The following DHX34 variants were observed in gnomAD, a reference collection of about 807,000 sequenced individuals.
DHX34 encodes the protein probable ATP-dependent RNA helicase DHX34.
Under a neutral mutation model 111.1 loss-of-function variants are expected in DHX34, and 96 were observed. That is an observed-to-expected ratio of 0.86 (90% confidence interval 0.73 to 1.02). The LOEUF (loss-of-function observed/expected upper bound fraction) is 1.02. Among genes scored for constraint, DHX34 ranks in the 50% least tolerant of loss-of-function variants. DHX34 has a pLI of 0.00. For missense variants in DHX34, 1,560 were observed against 1,579.9 expected (o/e 0.99, Z 0.21); for synonymous variants, 688 against 670.4 (o/e 1.03, Z -0.41).
intron 12 of DHX34, chr19:47,376,891 G>C: frequency 1.3e-6 from 2 of 1,534,174 alleles, no homozygotes; most frequent in Non-Finnish European, 1.7e-6. Context: ...GCACCCGTGT[G>C]CATGGAAGGG....
At chr19:47,362,869 C>CA (rs1159153012) in intron 6 of DHX34, among the ~76,000 whole-genome samples, 176 bp downstream of exon 6, 1 of 152,074 alleles carries the variant, frequency 6.6e-6, no homozygotes, top group African/African-American at 2.4e-5. Context: ...ATTACAGGCT[C>CA]AAATGATCCT....
At chr19:47,356,555 G>A (rs559178238) in intron 3 of DHX34, among the ~76,000 whole-genome samples, 4 of 151,866 alleles carry the variant, frequency 2.6e-5, no homozygotes, top group African/African-American at 2.4e-5. Context: ...GCTTGAACCC[G>A]GAGGTCGAGG....
Position 47,353,156 on chromosome 19 carries a change from C to T in DHX34, c.126C>T (p.Ala42=). 6.2e-7 allele frequency: 1 copy of T among 1,614,142 alleles called. No individual in the cohort carries two copies. The highest frequency in any genetic ancestry group is 8.5e-7 in the Non-Finnish European group (1 of 1,180,020). The part of the protein sequence containing the change: ...CPETRRLLED[A]FFREEDYIRQ... The stretch of plus-strand genomic sequence containing the variant: ...AGACGCGTCGCCTCTTGGAAGATGC[C>T]TTCTTCCGTGAAGAGGATTACATCC... Residue 42 remains alanine, a synonymous_variant, in exon 2 of 17, where the codon GCC becomes GCT. Transcript: ENST00000328771. The surrounding 1 kb of genome is among the most constrained non-coding windows in gnomAD (Gnocchi z 4.6).
chr19:47,362,440 A>G (rs373031819), intron 5 of DHX34, 36 bp from the exon 6 acceptor site: 1 of 1,495,784 alleles, frequency 6.7e-7, no homozygotes, highest in African/African-American at 1.4e-5. Context: ...CGTGGCTGCC[A>G]CACACAGACT....
At chr19:47,368,046 C>A (rs1274301746) in intron 7 of DHX34, among the ~76,000 whole-genome samples, 1 of 151,612 alleles carries the variant, frequency 6.6e-6, no homozygotes, top group South Asian at 2.1e-4. Flanking sequence ...TACCATACGA[C>A]GTCTTGGAAA....
rs1599755654 is a variant in DHX34 at position 47,357,726 on chromosome 19, G to T, written c.1018-140G>T. ...TCCCTGAATGACCACATGGAACAGA[G>T]TTGCCCACCAGCCTGGACCCGTTGC... is the stretch of plus-strand genomic sequence containing the variant. On this transcript the variant is annotated intron_variant, in intron 3 of 16. Coordinates refer to ENST00000328771, the MANE Select transcript of DHX34 (RefSeq NM_014681.6). 4.2e-6 allele frequency: 6 copies of T among 1,437,664 alleles called. No individual in the cohort carries two copies. The East Asian group carries it at 1.5e-4, about 36-fold the overall frequency. The allele number at this position is 1,437,664 out of a possible 1,614,324, so 89.1% of individuals were successfully genotyped here. A position where few individuals can be genotyped will look rare whatever the true frequency, so the allele number is the denominator to read the frequency against.
At chr19:47,372,618 T>G (rs1484518645) in intron 7 of DHX34, 112 bp from the exon 8 acceptor site, 2 of 1,425,156 alleles carry the variant, frequency 1.4e-6, no homozygotes, top group African/African-American at 1.5e-5. Context: ...GTGGGCAAGA[T>G]GGAGGGGGTG....
intron 9 of DHX34, among the ~76,000 whole-genome samples, chr19:47,374,120 C>G (rs943084169): frequency 2.0e-5 from 3 of 152,092 alleles, no homozygotes; most frequent in Non-Finnish European, 4.4e-5. Flanking sequence ...CCTCAGCTTC[C>G]CCTCGATAAA....
At chr19:47,369,079 T>G (rs949285232) in intron 7 of DHX34, among the ~76,000 whole-genome samples, 14 of 152,190 alleles carry the variant, frequency 9.2e-5, no homozygotes, top group African/African-American at 1.2e-4. Context: ...GGTTTCATCA[T>G]GTTGGCCAGG....
At chr19:47,381,153 G>A (rs556358563) in intron 15 of DHX34, 33 bp from the exon 16 acceptor site, 30 of 1,608,752 alleles carry the variant, frequency 1.9e-5, no homozygotes, top group African/African-American at 5.3e-5. Context: ...GGCACTTGGC[G>A]GGGGCCCAGC....
intron 1 of DHX34, among the ~76,000 whole-genome samples, chr19:47,349,834 G>A (rs1196302507): frequency 6.6e-6 from 1 of 152,202 alleles, no homozygotes; most frequent in African/African-American, 2.4e-5. Context: ...GGGAGACCGA[G>A]AGATACGGAA....
At chr19:47,367,571 A>T (rs896267420) in intron 7 of DHX34, among the ~76,000 whole-genome samples, 1 of 152,124 alleles carries the variant, frequency 6.6e-6, no homozygotes, top group Non-Finnish European at 1.5e-5. Context: ...AGCCATGCAA[A>T]TACTAGAACA....
Position 47,380,900 on chromosome 19 carries a change from C to G in DHX34, c.3067C>G (p.Leu1023Val). ...CCAGACCATCCCAGCCACCCCCCATCTTCCTGGCCTCTTTGGCAGCTCCAC... is the reference window on the plus strand; with the variant it reads ...CCAGACCATCCCAGCCACCCCCCATGTTCCTGGCCTCTTTGGCAGCTCCAC... Reference protein sequence around the residue: ...GPQTIPATPHLPGLFGSSTLS... With the variant: ...GPQTIPATPHVPGLFGSSTLS... The change falls in exon 15 of 17, where the codon CTT becomes GTT. Residue 1023 changes from leucine (L) to valine (V), a missense_variant. Coordinates refer to ENST00000328771, the MANE Select transcript of DHX34 (RefSeq NM_014681.6). 2 of 1,613,618 alleles carry G rather than the reference C, an allele frequency of 1.2e-6. No individual in the cohort carries two copies. The highest frequency in any genetic ancestry group is 2.2e-5 in the South Asian group (2 of 91,066).
Position 47,381,442 on chromosome 19 carries a change from C to G in DHX34, c.3298+118C>G, listed in dbSNP as rs1970356285. 4 of 1,402,408 alleles carry G rather than the reference C, an allele frequency of 2.9e-6. No individual in the cohort carries two copies. The South Asian group carries it at 5.7e-5, about 20-fold the overall frequency. The allele number at this position is 1,402,408 out of a possible 1,614,324, so 86.9% of individuals were successfully genotyped here. A position where few individuals can be genotyped will look rare whatever the true frequency, so the allele number is the denominator to read the frequency against. On this transcript the variant is annotated intron_variant, in intron 16 of 16. Coordinates refer to ENST00000328771, the MANE Select transcript of DHX34 (RefSeq NM_014681.6). ...TTCGAGGACTGACGACCTCCACCCG[C>G]TGGCCCTGGCTGGTGCCACACACAG...
chr19:47,357,214 TC>T lies in DHX34; in HGVS notation c.1018-651del, dbSNP rs140059599. On this transcript the variant is annotated intron_variant, in intron 3 of 16. Coordinates refer to ENST00000328771, the MANE Select transcript of DHX34 (RefSeq NM_014681.6). ...TTCTAGGTTTTTAATCCTGGTTTCATCACCTAGAATATTTTTCTTGTTGAAG... is the reference window on the plus strand; with the variant it reads ...TTCTAGGTTTTTAATCCTGGTTTCATACCTAGAATATTTTTCTTGTTGAAG... 4.2e-3 allele frequency among the ~76,000 whole-genome samples: 639 copies of T among 152,292 alleles called. 2 individuals are homozygous for T. Among genetic ancestry groups the T allele is most frequent in the Middle Eastern group, 6.8e-3 (2 of 294 alleles).
Position 47,376,034 on chromosome 19 carries a change from G to C in DHX34, c.2418G>C (p.Arg806=). The change falls in exon 11 of 17, where the codon CGG becomes CGC. Residue 806 remains arginine (R), a synonymous_variant. Coordinates refer to ENST00000328771, the MANE Select transcript of DHX34 (RefSeq NM_014681.6). Reference sequence around the variant, plus strand: ...CTCTGCTGAAGCTGGTGCTGGGCCGGGGCCTGTACCCACAGCTGGCCGTCC... The same window carrying C: ...CTCTGCTGAAGCTGGTGCTGGGCCGCGGCCTGTACCCACAGCTGGCCGTCC... ...QLALLKLVLG[R]GLYPQLAVPD... 1 of 1,600,846 alleles carries C rather than the reference G, an allele frequency of 6.2e-7. No homozygotes were observed. The highest frequency in any genetic ancestry group is 8.5e-7 in the Non-Finnish European group (1 of 1,174,502).
intron 5 of DHX34, among the ~76,000 whole-genome samples, chr19:47,361,322 G>GTAGTGC (rs1028243041): frequency 6.6e-6 from 1 of 151,866 alleles, no homozygotes; most frequent in African/African-American, 2.4e-5. Context: ...GCCAGGCATG[G>GTAGTGC]TAGTGCGTGC....
chr19:47,366,517 G>A (rs955215957), intron 6 of DHX34, among the ~76,000 whole-genome samples: 3 of 151,874 alleles, frequency 2.0e-5, no homozygotes, highest in Non-Finnish European at 4.4e-5. Context: ...CTGACCTCAA[G>A]TGATCCACCT....
In DHX34 at chr19:47,373,670, C is replaced by T. The variant is rs1197813589; in HGVS notation, c.2034C>T (p.Tyr678=). ...GGGGCATAGAGGAGCATCGACTGTA[C>T]GAAATGGCCAACCTTCGGCGCCAGT... is the stretch of plus-strand genomic sequence containing the variant. The part of the protein sequence containing the change: ...RRRGIEEHRL[Y]EMANLRRQFK... Residue 678 remains tyrosine (Y), a synonymous_variant, in exon 9 of 17, where the codon TAC becomes TAT. Coordinates refer to ENST00000328771, the MANE Select transcript of DHX34 (RefSeq NM_014681.6). The T allele has an allele frequency of 6.8e-6, 11 of 1,613,906 alleles. No homozygotes were observed. Among genetic ancestry groups the T allele is most frequent in the East Asian group, 4.5e-5 (2 of 44,896 alleles).
Sources: gnomAD v4.1 joint callset for allele counts (sites outside exome capture counted in the v4.1 genomes callset) on GRCh38, gnomAD v4.1.1 for gene constraint, Gnocchi (gnomAD v3.1) non-coding constraint, MANE v1.5 for transcripts, NCBI Gene and HGNC (gene_info 2026-07-23, HGNC 2026-07-21) for gene names.